Variants in TSPEAR observed in about 807,000 individuals in gnomAD.
TSPEAR encodes thrombospondin-type laminin G domain and EAR repeat-containing protein.
In TSPEAR, 69 loss-of-function variants were observed where a neutral mutation model predicts 71.6. That is an observed-to-expected ratio of 0.96 (90% CI 0.79 to 1.18). The LOEUF (loss-of-function observed/expected upper bound fraction) is 1.18, where lower values mean the gene tolerates loss of function less well. TSPEAR is among the 50% of genes most tolerant of loss of function. TSPEAR has a pLI of 0.00. For missense variants in TSPEAR, 971 were observed against 894.9 expected (o/e 1.09, Z -1.09); for synonymous variants, 402 against 387.2 (o/e 1.04, Z -0.45).
chr21:44,627,451 C>A, intron 1 of TSPEAR: 1 of 1,612,624 alleles, frequency 6.2e-7, no homozygotes, highest in Non-Finnish European at 8.5e-7. Flanking sequence ...CACCTCCTCC[C>A]CCTGCCAGCA....
rs140395851 is a variant in TSPEAR, at chr21:44,643,469, G to A, written c.82+67964C>T. 3.3e-3 allele frequency among the ~76,000 whole-genome samples: 496 copies of A among 152,282 alleles called. 2 individuals are homozygous for A. The highest frequency in any genetic ancestry group is 4.0e-3 in the Non-Finnish European group (269 of 68,034). On this transcript the variant is annotated intron_variant, in intron 1 of 11. Transcript: ENST00000323084. ...GATGGACATATTAATTAGCTTGACC[G>A]TGGTAATCATCACACAATGTGTACA...
chr21:44,706,399 G>A (rs1247061070), intron 1 of TSPEAR, among the ~76,000 whole-genome samples: 3 of 150,426 alleles, frequency 2.0e-5, no homozygotes, highest in East Asian at 2.0e-4. Context: ...GCACCCATGC[G>A]CACGCACCCA....
intron 1 of TSPEAR, among the ~76,000 whole-genome samples, chr21:44,698,262 T>C (rs2146324193): frequency 6.6e-6 from 1 of 152,228 alleles, no homozygotes; most frequent in Middle Eastern, 3.4e-3. Flanking sequence ...ATAAACACCC[T>C]CCACGTAGCC....
In TSPEAR at chr21:44,685,727, C is replaced by T. The variant is rs34802302; in HGVS notation, c.82+25706G>A. Among the ~76,000 whole-genome samples, 757 of 152,280 alleles carry T rather than the reference C, an allele frequency of 5.0e-3. 5 individuals are homozygous for T. The highest frequency in any genetic ancestry group is 8.4e-3 in the Non-Finnish European group (574 of 68,008). On this transcript the variant is annotated intron_variant, in intron 1 of 11. Coordinates refer to ENST00000323084, the MANE Select transcript of TSPEAR (RefSeq NM_144991.3). The stretch of plus-strand genomic sequence containing the variant: ...TTCAGGATGAGTCACTTATTGAACC[C>T]TCTACCCCCGGTATAATTTGGCACA...
intron 1 of TSPEAR, among the ~76,000 whole-genome samples, chr21:44,599,224 T>C (rs1403811138): frequency 6.9e-6 from 1 of 145,892 alleles, no homozygotes; most frequent in African/African-American, 2.5e-5. Context: ...CAGGCCATGC[T>C]CAAATTTATA....
At chr21:44,609,028 C>T (rs1463340304) in intron 1 of TSPEAR, among the ~76,000 whole-genome samples, 1 of 152,106 alleles carries the variant, frequency 6.6e-6, no homozygotes, top group African/African-American at 2.4e-5. Flanking sequence ...TGCAATGGGG[C>T]AGCAAAAAAA....
intron 2 of TSPEAR, chr21:44,557,710 GA>G: frequency 3.0e-6 from 1 of 332,904 alleles, no homozygotes; most frequent in Non-Finnish European, 5.6e-6. Flanking sequence ...CTCAAGGCCA[GA>G]GTCCCGAAGC....
chr21:44,702,101 A>C lies in TSPEAR; in HGVS notation c.82+9332T>G, dbSNP rs1987676409. Reference sequence around the variant, plus strand: ...ACGTTCCTATGAGAGGGAGGCAGGGAAACTTCACCCAGGAGAGGCAGCGTC... The same window carrying C: ...ACGTTCCTATGAGAGGGAGGCAGGGCAACTTCACCCAGGAGAGGCAGCGTC... On this transcript the variant is annotated intron_variant, in intron 1 of 11. Coordinates refer to ENST00000323084, the MANE Select transcript of TSPEAR (RefSeq NM_144991.3). 4 of 912,596 alleles carry C rather than the reference A, an allele frequency of 4.4e-6. No individual in the cohort carries two copies. The Admixed American group carries it at 1.1e-4, about 25-fold the overall frequency. 56.5% of individuals were successfully genotyped at this position (912,596 alleles called of 1,614,324 possible).
intron 1 of TSPEAR, chr21:44,654,600 G>T: frequency 6.4e-7 from 1 of 1,573,048 alleles, no homozygotes; most frequent in South Asian, 1.2e-5. Context: ...CCGAAGAGTG[G>T]CTGGTGTGGC....
intron 9 of TSPEAR, among the ~76,000 whole-genome samples, chr21:44,521,425 C>T (rs1384273628): frequency 2.0e-5 from 3 of 152,198 alleles, no homozygotes; most frequent in Admixed American, 6.5e-5. Context: ...TGGAGAGGAG[C>T]GCCACGTGCT....
intron 4 of TSPEAR, among the ~76,000 whole-genome samples, chr21:44,530,739 C>T (rs1254551308): frequency 6.6e-6 from 1 of 152,210 alleles, no homozygotes; most frequent in East Asian, 1.9e-4. Context: ...CTGAGAGCAG[C>T]AGGCCCTACT....
chr21:44,586,463 A>C (rs950641979), intron 1 of TSPEAR, among the ~76,000 whole-genome samples: 33 of 152,144 alleles, frequency 2.2e-4, no homozygotes, highest in Admixed American at 1.7e-3. Flanking sequence ...TTTTAAAAAA[A>C]ATTTACCAAG....
Position 44,638,045 on chromosome 21 carries a change from G to A in TSPEAR, c.83-70040C>T, listed in dbSNP as rs782603252. On this transcript the variant is annotated intron_variant, in intron 1 of 11. Coordinates refer to ENST00000323084, the MANE Select transcript of TSPEAR (RefSeq NM_144991.3). ...CTGCTGCGTGCCCGTCCCCTCCTGC[G>A]GTGCCTCTGCCTCCTCCTGCCAGCC... is the stretch of plus-strand genomic sequence containing the variant. 23 of 1,613,218 alleles carry A rather than the reference G, an allele frequency of 1.4e-5. No homozygotes were observed. Among genetic ancestry groups the A allele is most frequent in the East Asian group, 2.2e-5 (1 of 44,822 alleles).
intron 2 of TSPEAR, among the ~76,000 whole-genome samples, chr21:44,541,002 G>A (rs2053213620): frequency 1.4e-5 from 2 of 141,452 alleles, no homozygotes; most frequent in Admixed American, 1.4e-4. Flanking sequence ...TTGTACAGAT[G>A]GCGTCTCAAG....
rs79911039 is a variant in TSPEAR, at chr21:44,567,695, C to T, written c.303+90G>A. ...AACCCAGAGAGTCCTTGACAAATGC[C>T]GCCCCTCAACCTGTGCACGCGTTGG... is the stretch of plus-strand genomic sequence containing the variant. On this transcript the variant is annotated intron_variant, in intron 2 of 11. Coordinates refer to ENST00000323084, the MANE Select transcript of TSPEAR (RefSeq NM_144991.3). The T allele has an allele frequency of 2.4e-3, 2,690 of 1,119,646 alleles. 43 individuals carry two copies. In the African/African-American group the frequency reaches 0.037, roughly 15 times the overall value. The allele number at this position is 1,119,646 out of a possible 1,614,324, so 69.4% of individuals were successfully genotyped here.
chr21:44,621,637 G>T (rs1331998060), intron 1 of TSPEAR, among the ~76,000 whole-genome samples: 1 of 152,176 alleles, frequency 6.6e-6, no homozygotes, highest in Non-Finnish European at 1.5e-5. Context: ...ACTTCCTAAG[G>T]TCTGGAAAAT....
At chr21:44,614,336 C>T (rs1207775626) in intron 1 of TSPEAR, among the ~76,000 whole-genome samples, 4 of 152,382 alleles carry the variant, frequency 2.6e-5, no homozygotes, top group Non-Finnish European at 5.9e-5. Flanking sequence ...ATGGGGACAG[C>T]GCCCAGAGAC....
At chr21:44,655,032 T>G (rs1308284612) in intron 1 of TSPEAR, among the ~76,000 whole-genome samples, 1 of 152,202 alleles carries the variant, frequency 6.6e-6, no homozygotes, top group Non-Finnish European at 1.5e-5. Context: ...CATCAGGGTC[T>G]TCCCAAGTAA....
intron 1 of TSPEAR, among the ~76,000 whole-genome samples, chr21:44,606,528 T>A (rs143144475): frequency 1.3e-5 from 2 of 152,334 alleles, no homozygotes; most frequent in African/African-American, 4.8e-5. Context: ...TGGTTTTATA[T>A]CTAAAATAAC....
Sources: gnomAD v4.1 joint callset for allele counts (sites outside exome capture counted in the v4.1 genomes callset) on GRCh38, gnomAD v4.1.1 for gene constraint, MANE v1.5 for transcripts, NCBI Gene and HGNC (gene_info 2026-07-23, HGNC 2026-07-21) for gene names.